WDR49: variants seen among roughly 807,000 people sequenced by gnomAD.
WDR49 encodes WD repeat domain 49, also known as cilia- and flagella-associated protein 337.
WDR49 carries 107 observed loss-of-function variants against 119.5 expected under a neutral mutation model. That is an observed-to-expected ratio of 0.90 (90% CI 0.77 to 1.05). WDR49 has a LOEUF of 1.05. Among genes scored for constraint, WDR49 ranks in the 50% least tolerant of loss-of-function variants. The probability of loss-of-function intolerance (pLI) is 0.00; values close to 1 mark genes in which losing one functional copy is unlikely to be tolerated. For missense variants in WDR49, 1,240 were observed against 1,220.5 expected (o/e 1.02, Z -0.24); for synonymous variants, 425 against 418.8 (o/e 1.01, Z -0.18).
At chr3:167,594,609 A>C (rs1158242345) in intron 7 of WDR49, among the ~76,000 whole-genome samples, 1 of 152,192 alleles carries the variant, frequency 6.6e-6, no homozygotes, top group Non-Finnish European at 1.5e-5. Context: ...AGTTTGGAAA[A>C]TTTGCAACCT....
At chr3:167,514,093 T>C (rs1381317291) in intron 16 of WDR49, among the ~76,000 whole-genome samples, 1 of 152,122 alleles carries the variant, frequency 6.6e-6, no homozygotes, top group Admixed American at 6.6e-5. Context: ...TGAACTCAGC[T>C]CTAGATCAAG....
chr3:167,515,132 T>C (rs967191731), intron 16 of WDR49, among the ~76,000 whole-genome samples: 1 of 152,336 alleles, frequency 6.6e-6, no homozygotes, highest in Non-Finnish European at 1.5e-5. Context: ...ACTCATTTTA[T>C]GAGCTCAGTA....
At position 167,529,229 on chromosome 3, in the gene WDR49, G is replaced by C. The variant is rs1235500686; in HGVS notation, c.2229C>G (p.Asn743Lys). Residue 743 changes from asparagine to lysine, a missense_variant, in exon 14 of 19, where the codon AAC (asparagine) becomes AAG (lysine). Transcript: ENST00000682715. ...RKNTAVTGGA[N>K]LVSCGGSGYV... ...AACCAGATCCTCCACATGATACCAG[G>C]TTAGCTCCTCCTAACATGTAAGGGA... The C allele has an allele frequency of 1.3e-6, 2 of 1,585,148 alleles. No homozygotes were observed. The highest frequency in any genetic ancestry group is 1.7e-6 in the Non-Finnish European group (2 of 1,170,850).
chr3:167,657,886 T>C (rs1269147144), upstream of WDR49, among the ~76,000 whole-genome samples: 1 of 152,234 alleles, frequency 6.6e-6, no homozygotes, highest in Non-Finnish European at 1.5e-5. Context: ...GCTGGCTCTG[T>C]GTAAAGGAAC....
chr3:167,493,322 C>T (rs1001863860), intron 18 of WDR49, among the ~76,000 whole-genome samples: 2 of 152,168 alleles, frequency 1.3e-5, no homozygotes, highest in East Asian at 1.9e-4. Context: ...ACTCCATGAA[C>T]GGTTTTCCAT....
intron 2 of WDR49, among the ~76,000 whole-genome samples, chr3:167,632,022 A>G (rs1717400097): frequency 6.6e-6 from 1 of 152,092 alleles, no homozygotes; most frequent in African/African-American, 2.4e-5. Flanking sequence ...CCAGATTTTA[A>G]GAGTAGAGAA....
chr3:167,600,641 C>T (rs1715725136), intron 7 of WDR49, among the ~76,000 whole-genome samples: 1 of 152,080 alleles, frequency 6.6e-6, no homozygotes, highest in Admixed American at 6.6e-5. Context: ...CTAACAATAT[C>T]AGTACAGTAT....
intron 8 of WDR49, chr3:167,566,767 A>C: frequency 3.5e-6 from 2 of 566,450 alleles, no homozygotes; most frequent in South Asian, 5.3e-5. Flanking sequence ...TTCTTACAAC[A>C]AAGTAAGCTA....
chr3:167,558,699 T>A (rs1713091753), intron 9 of WDR49, among the ~76,000 whole-genome samples: 1 of 152,186 alleles, frequency 6.6e-6, no homozygotes, highest in African/African-American at 2.4e-5. Flanking sequence ...AAGATCTGAA[T>A]GTCCCCAGGT....
At chr3:167,562,279 C>T (rs539295276) in intron 8 of WDR49, among the ~76,000 whole-genome samples, 1 of 152,162 alleles carries the variant, frequency 6.6e-6, no homozygotes, top group East Asian at 1.9e-4. Flanking sequence ...TTGGGAGGAC[C>T]ATTTGGAGGC....
At chr3:167,529,371 C>T in intron 13 of WDR49, 132 bp from the exon 14 acceptor site, 1 of 721,734 alleles carries the variant, frequency 1.4e-6, no homozygotes, top group East Asian at 2.9e-5. Flanking sequence ...TTCCCAGCAC[C>T]ACTTTAATTT....
intron 17 of WDR49, among the ~76,000 whole-genome samples, chr3:167,503,482 G>A (rs191824501): frequency 5.9e-5 from 9 of 152,318 alleles, no homozygotes; most frequent in South Asian, 2.1e-4. Flanking sequence ...TGGGCCATGC[G>A]GTGAGTGTTA....
rs77627676 is a variant in WDR49 at position 167,630,990 on chromosome 3, C to G, written c.166-3698G>C. On this transcript the variant is annotated intron_variant, in intron 2 of 18. Coordinates refer to ENST00000682715, the MANE Select transcript of WDR49 (RefSeq NM_001366157.1). ...AGCACTCCACCACCACACTTGGGGG[C>G]CATTTTAAACAGCGAAATCCGCAAC... Among the ~76,000 whole-genome samples the G allele has an allele frequency of 3.9e-4, 60 of 152,000 alleles. No homozygotes were observed. In the East Asian group the frequency reaches 8.3e-3, roughly 21 times the overall value.
At chr3:167,488,291 A>C (rs572754607) in intron 18 of WDR49, among the ~76,000 whole-genome samples, 1 of 152,168 alleles carries the variant, frequency 6.6e-6, no homozygotes, top group Admixed American at 6.6e-5. Context: ...TTAATGCAGG[A>C]ACAGAAAGCC....
chr3:167,525,089 C>T (rs1009446987), intron 15 of WDR49, among the ~76,000 whole-genome samples: 3 of 151,794 alleles, frequency 2.0e-5, no homozygotes, highest in Non-Finnish European at 4.4e-5. Context: ...CCTTGAGCAA[C>T]GATTTGTAGT....
chr3:167,548,070 T>C (rs753372273), intron 10 of WDR49, among the ~76,000 whole-genome samples: 3 of 152,090 alleles, frequency 2.0e-5, no homozygotes, highest in Non-Finnish European at 4.4e-5. Flanking sequence ...CCATTCCATC[T>C]GAATACTTTG....
chr3:167,622,460 C>T (rs115575204), intron 3 of WDR49, among the ~76,000 whole-genome samples: 1 of 152,240 alleles, frequency 6.6e-6, no homozygotes, highest in South Asian at 2.1e-4. Context: ...TTATTAAAAT[C>T]ACCATTCTGC....
At chr3:167,549,167 C>T (rs991183267) in intron 10 of WDR49, among the ~76,000 whole-genome samples, 1 of 152,134 alleles carries the variant, frequency 6.6e-6, no homozygotes. Flanking sequence ...GCGCATGTGT[C>T]TTTATAGCAG....
At position 167,563,353 on chromosome 3, in the gene WDR49, C is replaced by CAA. The variant is rs61247447; in HGVS notation, c.1510-3127_1510-3126dup. Reference sequence around the variant, plus strand: ...TGGGCTACAGAGCGAGATTCTGAATCAAAAAAAAAAAAAAAAAAAAAAAAG... The same window carrying CAA: ...TGGGCTACAGAGCGAGATTCTGAATCAAAAAAAAAAAAAAAAAAAAAAAAAAG... On this transcript the variant is annotated intron_variant, in intron 8 of 18. Transcript: ENST00000682715. Among the ~76,000 whole-genome samples the CAA allele has an allele frequency of 3.4e-3, 188 of 55,858 alleles. 3 individuals are homozygous for CAA. Among genetic ancestry groups the CAA allele is most frequent in the African/African-American group, 5.9e-3 (92 of 15,476 alleles). The allele number at this position is 55,858 out of a possible 152,430, so 36.6% of individuals were successfully genotyped here.
Sources: gnomAD v4.1 joint callset for allele counts (sites outside exome capture counted in the v4.1 genomes callset) on GRCh38, gnomAD v4.1.1 for gene constraint, MANE v1.5 for transcripts, NCBI Gene and HGNC (gene_info 2026-07-23, HGNC 2026-07-21) for gene names.